Variants in ABCC1 observed in about 807,000 individuals in gnomAD.
The protein encoded by ABCC1 is multidrug resistance-associated protein 1.
ABCC1 carries 83 observed loss-of-function variants against 172.9 expected under a neutral mutation model. The observed-to-expected ratio is 0.48, with a 90% CI of 0.40 to 0.58. The LOEUF (loss-of-function observed/expected upper bound fraction) is 0.58. ABCC1 is among the 20% of genes least tolerant of loss of function. The pLI is 0.00. For missense variants in ABCC1, 1,817 were observed against 2,002.7 expected (o/e 0.91, Z 1.77); for synonymous variants, 937 against 825.2 (o/e 1.14, Z -2.32).
At chr16:16,041,141 A>G (rs556197165) in intron 7 of ABCC1, among the ~76,000 whole-genome samples, 1 of 138,418 alleles carries the variant, frequency 7.2e-6, no homozygotes, top group South Asian at 2.3e-4. Context: ...CATGTTGCCC[A>G]GGCTGTTCTC....
At chr16:16,115,610 G>A (rs777513299) in intron 23 of ABCC1, among the ~76,000 whole-genome samples, 9 of 152,074 alleles carry the variant, frequency 5.9e-5, no homozygotes, top group African/African-American at 2.2e-4. Context: ...ACCTCCCCAA[G>A]TGTTGGGATT....
rs2045166007 is a variant in ABCC1 at position 16,121,714 on chromosome 16, GT to G, written c.3391-258del. Reference sequence around the variant, plus strand: ...TTTTGTGAGGATTGAATGAACTGATGTTTGTAAAACTGCTTAGAACGATGCC... The same window carrying G: ...TTTTGTGAGGATTGAATGAACTGATGTTGTAAAACTGCTTAGAACGATGCC... On this transcript the variant is annotated intron_variant, in intron 23 of 30. Transcript: ENST00000399410. Among the ~76,000 whole-genome samples the G allele has an allele frequency of 2.0e-5, 3 of 152,196 alleles. No homozygotes were observed. The South Asian group carries it at 6.2e-4, about 32-fold the overall frequency.
intron 1 of ABCC1, among the ~76,000 whole-genome samples, chr16:15,954,446 C>T (rs1187306747): frequency 6.6e-6 from 1 of 152,136 alleles, no homozygotes; most frequent in Non-Finnish European, 1.5e-5. Context: ...CCACCCACCC[C>T]ATTTCGTGGA....
chr16:16,076,088 C>G, intron 14 of ABCC1: 1 of 519,844 alleles, frequency 1.9e-6, no homozygotes. Flanking sequence ...GCAACCCCAT[C>G]TTACAAGGAC....
chr16:16,084,913 G>T (rs1030042575), intron 17 of ABCC1, among the ~76,000 whole-genome samples: 2 of 152,116 alleles, frequency 1.3e-5, no homozygotes, highest in African/African-American at 2.4e-5. Flanking sequence ...TAACCACCTC[G>T]CCCGGCCTAT....
chr16:15,986,656 G>A (rs1285904765), intron 1 of ABCC1, among the ~76,000 whole-genome samples: 1 of 152,098 alleles, frequency 6.6e-6, no homozygotes, highest in African/African-American at 2.4e-5. Flanking sequence ...AAAAAGCGTG[G>A]GGACCTCTGA....
At chr16:16,074,830 C>T (rs1483989984) in intron 14 of ABCC1, among the ~76,000 whole-genome samples, 1 of 152,146 alleles carries the variant, frequency 6.6e-6, no homozygotes, top group Non-Finnish European at 1.5e-5. Context: ...TTTTTTGATG[C>T]ATGGAGGAAG....
intron 7 of ABCC1, among the ~76,000 whole-genome samples, chr16:16,040,852 G>A (rs757816890): frequency 3.3e-5 from 5 of 152,146 alleles, no homozygotes; most frequent in Non-Finnish European, 7.3e-5. Context: ...CAAGAGTGAA[G>A]GCAGGGAGAC....
chr16:16,138,506 T>A lies in ABCC1; in HGVS notation c.4435T>A (p.Cys1479Ser), dbSNP rs2046001854. The A allele has an allele frequency of 2.5e-6, 4 of 1,610,192 alleles. No individual in the cohort carries two copies. Among genetic ancestry groups the A allele is most frequent in the Non-Finnish European group, 3.4e-6 (4 of 1,177,144 alleles). ...CACCATCCGGACACAGTTCGAGGAC[T>A]GCACCGTCCTCACCATCGCCCACCG... The part of the protein sequence containing the change: ...QSTIRTQFED[C>S]TVLTIAHRLN... Residue 1479 changes from cysteine (C) to serine (S), a missense_variant, in exon 30 of 31, where the codon TGC becomes AGC. This residue lies in a region of ABCC1 where 1,412 missense variants were observed against 1,600.3 expected (regional missense o/e 0.88). Coordinates refer to ENST00000399410, the MANE Select transcript of ABCC1 (RefSeq NM_004996.4).
chr16:15,983,039 C>T (rs2046663291), intron 1 of ABCC1, among the ~76,000 whole-genome samples: 1 of 151,902 alleles, frequency 6.6e-6, no homozygotes, highest in African/African-American at 2.4e-5. Context: ...AAAATAGTGC[C>T]TGAGAAATAT....
intron 18 of ABCC1, among the ~76,000 whole-genome samples, chr16:16,089,596 G>T (rs536348339): frequency 1.3e-5 from 2 of 151,564 alleles, no homozygotes. Flanking sequence ...TGGGCTGGGC[G>T]CAGCGGCTCA....
intron 16 of ABCC1, among the ~76,000 whole-genome samples, chr16:16,082,022 A>C (rs1019285136): frequency 6.6e-6 from 1 of 152,186 alleles, no homozygotes. Flanking sequence ...TTTCAAAAAA[A>C]AATCTTCAGG....
intron 23 of ABCC1, among the ~76,000 whole-genome samples, chr16:16,118,667 A>T (rs776601655): frequency 3.9e-5 from 6 of 152,028 alleles, no homozygotes; most frequent in Non-Finnish European, 7.4e-5. Flanking sequence ...TCAACAACAA[A>T]GGAAATGATT....
At chr16:16,066,520 C>T (rs952034735) in intron 12 of ABCC1, among the ~76,000 whole-genome samples, 10 of 152,008 alleles carry the variant, frequency 6.6e-5, no homozygotes, top group African/African-American at 2.4e-4. Flanking sequence ...CAAGGTTTAT[C>T]CATGTTTTAG....
chr16:15,965,653 A>G (rs2046226975), intron 1 of ABCC1, among the ~76,000 whole-genome samples: 1 of 151,382 alleles, frequency 6.6e-6, no homozygotes, highest in South Asian at 2.1e-4. Flanking sequence ...GCTGGAGTGC[A>G]TTGCGCAATC....
At chr16:16,137,392 C>A (rs1050733979) in intron 29 of ABCC1, among the ~76,000 whole-genome samples, 4 of 152,046 alleles carry the variant, frequency 2.6e-5, no homozygotes, top group African/African-American at 9.7e-5. Flanking sequence ...GGCAGGGGCA[C>A]AAGAGCGTGC....
At chr16:16,025,385 G>A (rs542479303) in intron 5 of ABCC1, among the ~76,000 whole-genome samples, 1 of 152,310 alleles carries the variant, frequency 6.6e-6, no homozygotes, top group East Asian at 1.9e-4. Flanking sequence ...CACAGTTTCT[G>A]ATGCAGTAGG....
Position 15,949,716 on chromosome 16 carries a change from C to G in ABCC1, c.-36C>G. ...GCGCCAGCAACCGGGCCCGATCACC[C>G]GCCGCCCGGTGCCCGCCGCCGCCCG... is the stretch of plus-strand genomic sequence containing the variant. On this transcript the variant is annotated 5_prime_UTR_variant, in exon 1 of 31. Transcript: ENST00000399410. 1.8e-6 allele frequency: 2 copies of G among 1,118,382 alleles called. No individual in the cohort carries two copies. The highest frequency in any genetic ancestry group is 2.2e-6 in the Non-Finnish European group (2 of 914,652). 69.3% of individuals were successfully genotyped at this position (1,118,382 alleles called of 1,614,324 possible). A position where few individuals can be genotyped will look rare whatever the true frequency, so the allele number is the denominator to read the frequency against.
At chr16:16,006,865 C>CGGTGGCAGTGGCGGTGGT (rs1567305922) in intron 1 of ABCC1, among the ~76,000 whole-genome samples, 25 of 146,078 alleles carry the variant, frequency 1.7e-4, no homozygotes, top group Admixed American at 6.1e-4. Context: ...GTGGCGGTGG[C>CGGTGGCAGTGGCGGTGGT]GGTGGCGGTG....
Sources: gnomAD v4.1 joint callset for allele counts (sites outside exome capture counted in the v4.1 genomes callset) on GRCh38, gnomAD v4.1.1 for gene constraint, gnomAD v4.1.1 regional missense constraint, MANE v1.5 for transcripts, NCBI Gene and HGNC (gene_info 2026-07-23, HGNC 2026-07-21) for gene names.